PIK3CG: variants seen among roughly 807,000 people sequenced by gnomAD.
PIK3CG encodes phosphatidylinositol-4,5-bisphosphate 3-kinase catalytic subunit gamma, also known as phosphatidylinositol 4,5-bisphosphate 3-kinase catalytic subunit gamma isoform.
A neutral mutation model predicts 102.3 loss-of-function variants in PIK3CG; 55 were observed. The observed-to-expected ratio is 0.54, with a 90% confidence interval of 0.43 to 0.67. PIK3CG has a LOEUF of 0.67. Among genes scored for constraint, PIK3CG ranks in the 30% least tolerant of loss-of-function variants. PIK3CG has a pLI of 0.00. For missense variants in PIK3CG, 1,258 were observed against 1,391.8 expected (o/e 0.90, Z 1.53); for synonymous variants, 552 against 540.0 (o/e 1.02, Z -0.31).
rs1247902327 is a variant in PIK3CG at position 106,894,870 on chromosome 7, A to G, written c.3030+8578A>G. 6.6e-6 allele frequency among the ~76,000 whole-genome samples: 1 copy of G among 152,224 alleles called. No homozygotes were observed. Among genetic ancestry groups the G allele is most frequent in the Non-Finnish European group, 1.5e-5 (1 of 68,036 alleles). On this transcript the variant is annotated intron_variant, in intron 10 of 10. Coordinates refer to ENST00000496166, the MANE Select transcript of PIK3CG (RefSeq NM_001282426.2). This position sits in a 1 kb window ranked among gnomAD's most constrained non-coding sequence, Gnocchi z 4.4. ...AAAGTAGTTTGTTTTCAGTTTAGTG[A>G]ACTGATAGTTGGGGCAGTTAGCAAA...
chr7:106,876,294 A>G (rs1351925590), intron 5 of PIK3CG, among the ~76,000 whole-genome samples: 1 of 152,050 alleles, frequency 6.6e-6, no homozygotes, highest in Admixed American at 6.5e-5. Flanking sequence ...CATTTCCATA[A>G]TAAGGTTGAG....
At chr7:106,881,931 A>G (rs945244598) in intron 6 of PIK3CG, among the ~76,000 whole-genome samples, 186 bp from the exon 7 acceptor site, 3 of 152,116 alleles carry the variant, frequency 2.0e-5, no homozygotes, top group African/African-American at 4.8e-5. Context: ...CAAAATTAAC[A>G]AGCTCACAAA....
In PIK3CG at chr7:106,884,324, A is replaced by G; in HGVS notation, c.2872+58A>G. On this transcript the variant is annotated intron_variant, in intron 9 of 10. Coordinates refer to ENST00000496166, the MANE Select transcript of PIK3CG (RefSeq NM_001282426.2). The surrounding 1 kb of genome is among the most constrained non-coding windows in gnomAD (Gnocchi z 4.2). ...TGTGGTAAAATATATATAACATAAC[A>G]TTTACTATTTTAACTCTAATTAACT... 1 of 1,106,192 alleles carries G rather than the reference A, an allele frequency of 9.0e-7. No individual in the cohort carries two copies. Among genetic ancestry groups the G allele is most frequent in the Non-Finnish European group, 1.4e-6 (1 of 727,872 alleles). 68.5% of individuals were successfully genotyped at this position (1,106,192 alleles called of 1,614,324 possible).
chr7:106,869,710 A>G lies in PIK3CG; in HGVS notation c.1995+154A>G, dbSNP rs536756898. Reference sequence around the variant, plus strand: ...GATGAAGCTGCCTCAAAAAGTAGTAAACTGTTCCATGTACATTTTTACTGT... The same window carrying G: ...GATGAAGCTGCCTCAAAAAGTAGTAGACTGTTCCATGTACATTTTTACTGT... On this transcript the variant is annotated intron_variant, in intron 2 of 10. Coordinates refer to ENST00000496166, the MANE Select transcript of PIK3CG (RefSeq NM_001282426.2). The surrounding 1 kb of genome is among the most constrained non-coding windows in gnomAD (Gnocchi z 5.3). 6.6e-6 allele frequency among the ~76,000 whole-genome samples: 1 copy of G among 152,108 alleles called. No individual in the cohort carries two copies. The highest frequency in any genetic ancestry group is 1.9e-4 in the East Asian group (1 of 5,176).
In PIK3CG at chr7:106,868,574, A is replaced by G. The variant is rs2116444177; in HGVS notation, c.1013A>G (p.Gln338Arg). ...DCTGVTGYHE[Q>R]LTIHGKDHES... Reference sequence around the variant, plus strand: ...ACGGGAGTCACCGGCTACCATGAGCAGCTTACCATCCACGGCAAGGACCAC... The same window carrying G: ...ACGGGAGTCACCGGCTACCATGAGCGGCTTACCATCCACGGCAAGGACCAC... The change falls in exon 2 of 11, where the codon CAG becomes CGG. Residue 338 changes from glutamine (Q) to arginine (R), a missense_variant. Transcript: ENST00000496166. This position sits in a 1 kb window ranked among gnomAD's most constrained non-coding sequence, Gnocchi z 6.2. 1 of 1,614,174 alleles carries G rather than the reference A, an allele frequency of 6.2e-7. No homozygotes were observed. The highest frequency in any genetic ancestry group is 1.1e-5 in the South Asian group (1 of 91,078).
chr7:106,869,363 A>C lies in PIK3CG; in HGVS notation c.1802A>C (p.Gln601Pro). The C allele has an allele frequency of 6.2e-7, 1 of 1,614,264 alleles. No individual in the cohort carries two copies. The highest frequency in any genetic ancestry group is 8.5e-7 in the Non-Finnish European group (1 of 1,180,050). ...TTTAGTTCAGTGAAATGGGGACAGCAAGAAATTGTGGCCAAAACATACCAA... is the reference window on the plus strand; with the variant it reads ...TTTAGTTCAGTGAAATGGGGACAGCCAGAAATTGTGGCCAAAACATACCAA... ...KLFSSVKWGQ[Q>P]EIVAKTYQLL... The change falls in exon 2 of 11, where the codon CAA becomes CCA. Residue 601 changes from glutamine to proline, a missense_variant. Around this residue, in one of 2 missense-constraint regions of PIK3CG, gnomAD observed 426 missense variants for 604.2 expected, o/e 0.71. Transcript: ENST00000496166. The surrounding 1 kb of genome is among the most constrained non-coding windows in gnomAD (Gnocchi z 5.3).
chr7:106,884,650 T>C lies in PIK3CG; in HGVS notation c.2872+384T>C, dbSNP rs1333839280. Among the ~76,000 whole-genome samples, 1 of 151,880 alleles carries C rather than the reference T, an allele frequency of 6.6e-6. No individual in the cohort carries two copies. Among genetic ancestry groups the C allele is most frequent in the African/African-American group, 2.4e-5 (1 of 41,298 alleles). On this transcript the variant is annotated intron_variant, in intron 9 of 10. Coordinates refer to ENST00000496166, the MANE Select transcript of PIK3CG (RefSeq NM_001282426.2). This position sits in a 1 kb window ranked among gnomAD's most constrained non-coding sequence, Gnocchi z 4.2. ...AAGACACCTTTTCCACGGACAGGGG[T>C]GGGGGAGCAAGGATGGTTTCAGGAT... is the stretch of plus-strand genomic sequence containing the variant.
intron 10 of PIK3CG, among the ~76,000 whole-genome samples, chr7:106,896,305 T>G (rs1791406240): frequency 6.6e-6 from 1 of 152,156 alleles, no homozygotes; most frequent in African/African-American, 2.4e-5. Flanking sequence ...AATGTTCTAT[T>G]AAAAAGAGTT....
chr7:106,903,640 A>G lies in PIK3CG; in HGVS notation c.3031-1469A>G, dbSNP rs1383153010. Among the ~76,000 whole-genome samples the G allele has an allele frequency of 6.6e-6, 1 of 151,938 alleles. No homozygotes were observed. The highest frequency in any genetic ancestry group is 1.5e-5 in the Non-Finnish European group (1 of 67,962). ...TACAGCATTCTATTTATTAATTTTT[A>G]TAAAAACCTAGTTTATTAAAAACTA... On this transcript the variant is annotated intron_variant, in intron 10 of 10. Transcript: ENST00000496166. The surrounding 1 kb of genome is among the most constrained non-coding windows in gnomAD (Gnocchi z 4.3).
Position 106,884,118 on chromosome 7 carries a change from T to C in PIK3CG, c.2761-37T>C. 1 of 1,413,070 alleles carries C rather than the reference T, an allele frequency of 7.1e-7. No homozygotes were observed. The highest frequency in any genetic ancestry group is 1.0e-6 in the Non-Finnish European group (1 of 1,000,714). The allele number at this position is 1,413,070 out of a possible 1,614,324, so 87.5% of individuals were successfully genotyped here. On this transcript the variant is annotated intron_variant, in intron 8 of 10. Coordinates refer to ENST00000496166, the MANE Select transcript of PIK3CG (RefSeq NM_001282426.2). The surrounding 1 kb of genome is among the most constrained non-coding windows in gnomAD (Gnocchi z 4.2). Reference sequence around the variant, plus strand: ...TGTAGATTCATGATGCTTTTTGTAGTTAGAAGACAACTAATATTCAAATGC... The same window carrying C: ...TGTAGATTCATGATGCTTTTTGTAGCTAGAAGACAACTAATATTCAAATGC...
chr7:106,884,310 A>G lies in PIK3CG; in HGVS notation c.2872+44A>G, dbSNP rs1791023982. Reference sequence around the variant, plus strand: ...GAATAAACTTTTATTGTGGTAAAATATATATAACATAACATTTACTATTTT... The same window carrying G: ...GAATAAACTTTTATTGTGGTAAAATGTATATAACATAACATTTACTATTTT... On this transcript the variant is annotated intron_variant, in intron 9 of 10. Transcript: ENST00000496166. This position sits in a 1 kb window ranked among gnomAD's most constrained non-coding sequence, Gnocchi z 4.2. 8.4e-7 allele frequency: 1 copy of G among 1,193,406 alleles called. No individual in the cohort carries two copies. The highest frequency in any genetic ancestry group is 1.7e-5 in the Admixed American group (1 of 57,940). 73.9% of individuals were successfully genotyped at this position (1,193,406 alleles called of 1,614,324 possible).
Position 106,882,005 on chromosome 7 carries a change from A to C in PIK3CG, c.2539-112A>C, listed in dbSNP as rs371703614. 37 of 388,362 alleles carry C rather than the reference A, an allele frequency of 9.5e-5. 1 individual carries two copies. The South Asian group carries it at 4.5e-3, about 47-fold the overall frequency. The allele number at this position is 388,362 out of a possible 1,614,324, so 24.1% of individuals were successfully genotyped here. A position where few individuals can be genotyped will look rare whatever the true frequency, so the allele number is the denominator to read the frequency against. On this transcript the variant is annotated intron_variant, in intron 6 of 10. Coordinates refer to ENST00000496166, the MANE Select transcript of PIK3CG (RefSeq NM_001282426.2). ...TACAGTTGTTACTTATATGTTTTAC[A>C]TTTACTCTTATATTTTGTGTTACTA...
rs1291683715 is a variant in PIK3CG, at chr7:106,902,507, T to C, written c.3031-2602T>C. The stretch of plus-strand genomic sequence containing the variant: ...ATATGTATTCCTATCTACCATCAGC[T>C]TATAAAATGTGAACATTGGGTATTG... On this transcript the variant is annotated intron_variant, in intron 10 of 10. Transcript: ENST00000496166. This position sits in a 1 kb window ranked among gnomAD's most constrained non-coding sequence, Gnocchi z 4.3. Among the ~76,000 whole-genome samples, 1 of 152,056 alleles carries C rather than the reference T, an allele frequency of 6.6e-6. No individual in the cohort carries two copies. The highest frequency in any genetic ancestry group is 1.5e-5 in the Non-Finnish European group (1 of 68,006).
intron 10 of PIK3CG, among the ~76,000 whole-genome samples, chr7:106,889,845 C>T (rs569273284): frequency 6.6e-6 from 1 of 152,144 alleles, no homozygotes; most frequent in Non-Finnish European, 1.5e-5. Flanking sequence ...AGTTCAGGAA[C>T]AAGCTATAAT....
In PIK3CG at chr7:106,879,081, A is replaced by G. The variant is rs572713802; in HGVS notation, c.2392-438A>G. 2.0e-4 allele frequency among the ~76,000 whole-genome samples: 31 copies of G among 152,308 alleles called. No homozygotes were observed. Among genetic ancestry groups the G allele is most frequent in the South Asian group, 1.5e-3 (7 of 4,820 alleles). ...AATTTCATCTGCTTAGATGTAGCCT[A>G]TTGCATCTGATTCTGCAATAATAGT... On this transcript the variant is annotated intron_variant, in intron 5 of 10. Transcript: ENST00000496166. The surrounding 1 kb of genome is among the most constrained non-coding windows in gnomAD (Gnocchi z 4.9).
intron 9 of PIK3CG, 134 bp from the exon 10 acceptor site, chr7:106,886,001 A>G: frequency 1.3e-6 from 1 of 776,170 alleles, no homozygotes; most frequent in Admixed American, 2.8e-5. Context: ...AAGACGAAAA[A>G]TATCACAAAC....
In PIK3CG at chr7:106,894,930, A is replaced by G. The variant is rs1791366413; in HGVS notation, c.3030+8638A>G. 6.6e-6 allele frequency among the ~76,000 whole-genome samples: 1 copy of G among 152,228 alleles called. No homozygotes were observed. Among genetic ancestry groups the G allele is most frequent in the African/African-American group, 2.4e-5 (1 of 41,456 alleles). ...AGTTTGGGCCCTGAAATGATAATGA[A>G]TTCCTTTGTTCCCAAGACTTCTAAG... On this transcript the variant is annotated intron_variant, in intron 10 of 10. Transcript: ENST00000496166. This position sits in a 1 kb window ranked among gnomAD's most constrained non-coding sequence, Gnocchi z 4.4.
Position 106,868,760 on chromosome 7 carries a change from G to T in PIK3CG, c.1199G>T (p.Ser400Ile). 1 of 1,614,222 alleles carries T rather than the reference G, an allele frequency of 6.2e-7. No homozygotes were observed. The highest frequency in any genetic ancestry group is 8.5e-7 in the Non-Finnish European group (1 of 1,180,048). ...CAAGTCCTTTGCCAAAGGAGAACCA[G>T]CCCCAAACCCTTCACAGAGGAGGTG... is the stretch of plus-strand genomic sequence containing the variant. ...GQQVLCQRRT[S>I]PKPFTEEVLW... The change falls in exon 2 of 11, where the codon AGC becomes ATC. Residue 400 changes from serine (S) to isoleucine (I), a missense_variant. By Grantham distance (142) the Ser-to-Ile change is moderately radical. Around this residue, in one of 2 missense-constraint regions of PIK3CG, gnomAD observed 832 missense variants for 787.5 expected, o/e 1.06. Coordinates refer to ENST00000496166, the MANE Select transcript of PIK3CG (RefSeq NM_001282426.2). This position sits in a 1 kb window ranked among gnomAD's most constrained non-coding sequence, Gnocchi z 6.2.
chr7:106,905,341 T>C lies in PIK3CG; in HGVS notation c.3263T>C (p.Leu1088Pro), dbSNP rs2116619669. The change falls in exon 11 of 11, where the codon CTA (leucine) becomes CCA (proline). Residue 1088 changes from leucine to proline, a missense_variant. This residue lies in a region of PIK3CG where 426 missense variants were observed against 604.2 expected (regional missense o/e 0.71). Coordinates refer to ENST00000496166, the MANE Select transcript of PIK3CG (RefSeq NM_001282426.2). The surrounding 1 kb of genome is among the most constrained non-coding windows in gnomAD (Gnocchi z 5.6). ...KGWTVQFNWF[L>P]HLVLGIKQGE... ...TGGACTGTGCAGTTTAATTGGTTTCTACATCTTGTTCTTGGCATCAAACAA... is the reference window on the plus strand; with the variant it reads ...TGGACTGTGCAGTTTAATTGGTTTCCACATCTTGTTCTTGGCATCAAACAA... 6.2e-7 allele frequency: 1 copy of C among 1,614,088 alleles called. No homozygotes were observed. The highest frequency in any genetic ancestry group is 8.5e-7 in the Non-Finnish European group (1 of 1,179,946).
Sources: allele counts gnomAD v4.1 joint callset (sites outside exome capture counted in the v4.1 genomes callset), GRCh38; gene constraint gnomAD v4.1.1; regional missense constraint gnomAD v4.1.1; non-coding constraint Gnocchi (gnomAD v3.1); transcripts MANE v1.5; gene names NCBI Gene and HGNC (gene_info 2026-07-23, HGNC 2026-07-21).